ROCK1: variants seen among roughly 807,000 people sequenced by gnomAD.
The protein encoded by ROCK1 is rho-associated protein kinase 1.
In ROCK1, 36 loss-of-function variants were observed where a neutral mutation model predicts 196.8. That is an observed-to-expected ratio of 0.18 (90% CI 0.14 to 0.24). The LOEUF (loss-of-function observed/expected upper bound fraction) is 0.24. ROCK1 is among the 10% of genes least tolerant of loss of function. ROCK1 has a pLI of 1.00. For missense variants in ROCK1, 920 were observed against 1,562.0 expected (o/e 0.59, Z 6.93); for synonymous variants, 443 against 515.9 (o/e 0.86, Z 1.91).
chr18:21,019,784 C>T (rs191647445), intron 12 of ROCK1, among the ~76,000 whole-genome samples: 1,576 of 146,558 alleles, frequency 0.011, 30 homozygotes, highest in African/African-American at 0.037. Flanking sequence ...GACGACAGAG[C>T]GAGACTCCAT....
At chr18:20,966,834 G>T (rs2035378210) in intron 27 of ROCK1, 83 bp downstream of exon 27, 2 of 1,077,058 alleles carry the variant, frequency 1.9e-6, no homozygotes, top group Non-Finnish European at 1.4e-6. Flanking sequence ...AAAATGACAA[G>T]GAGGTAGAAA....
chr18:21,057,426 C>T (rs1232479790), intron 2 of ROCK1, among the ~76,000 whole-genome samples: 5 of 152,212 alleles, frequency 3.3e-5, no homozygotes, highest in African/African-American at 2.4e-5. Flanking sequence ...AAAAGGCTAA[C>T]TTACAGCTTC....
At chr18:21,047,627 C>T (rs547493794) in intron 4 of ROCK1, among the ~76,000 whole-genome samples, 3 of 152,110 alleles carry the variant, frequency 2.0e-5, no homozygotes, top group Non-Finnish European at 4.4e-5. Context: ...CCCGTCTCTA[C>T]TAAAAATACA....
At chr18:21,097,692 T>C (rs1408141936) in intron 1 of ROCK1, among the ~76,000 whole-genome samples, 1 of 152,228 alleles carries the variant, frequency 6.6e-6, no homozygotes, top group East Asian at 1.9e-4. Flanking sequence ...TATATAATGA[T>C]GACGATGATT....
At chr18:20,962,419 T>TA (rs1415792882) in intron 27 of ROCK1, among the ~76,000 whole-genome samples, 1 of 152,172 alleles carries the variant, frequency 6.6e-6, no homozygotes, top group African/African-American at 2.4e-5. Context: ...AACAAAGATA[T>TA]AAAAGCCTTT....
chr18:21,023,215 G>A (rs545017435), intron 11 of ROCK1, among the ~76,000 whole-genome samples: 1 of 152,078 alleles, frequency 6.6e-6, no homozygotes, highest in Non-Finnish European at 1.5e-5. Flanking sequence ...CCACCGAACT[G>A]CACACTTAAA....
intron 5 of ROCK1, 94 bp downstream of exon 5, chr18:21,045,195 GGAA>G (rs548324578): frequency 2.3e-4 from 254 of 1,115,790 alleles, no homozygotes; most frequent in Non-Finnish European, 3.0e-4. Context: ...TATGTCATAC[GGAA>G]GAAGAATGGG....
intron 16 of ROCK1, among the ~76,000 whole-genome samples, chr18:21,005,889 A>G (rs1413800270): frequency 6.6e-6 from 1 of 152,174 alleles, no homozygotes; most frequent in African/African-American, 2.4e-5. Context: ...AAAAACGTAA[A>G]CAATAAAAAA....
chr18:21,009,511 A>G (rs777198090), intron 13 of ROCK1, among the ~76,000 whole-genome samples: 1 of 152,108 alleles, frequency 6.6e-6, no homozygotes, highest in Non-Finnish European at 1.5e-5. Context: ...GCTGTTATAA[A>G]CATTAGTATA....
chr18:21,083,819 T>A (rs540865829), intron 1 of ROCK1, among the ~76,000 whole-genome samples: 1 of 152,290 alleles, frequency 6.6e-6, no homozygotes, highest in South Asian at 2.1e-4. Context: ...AGCAGGCTAT[T>A]AGTAGTTAAG....
intron 1 of ROCK1, among the ~76,000 whole-genome samples, chr18:21,086,594 G>GA (rs2036530087): frequency 6.6e-6 from 1 of 152,020 alleles, no homozygotes; most frequent in Admixed American, 6.6e-5. Flanking sequence ...AAGAAAAATA[G>GA]AATGGGGCTA....
At chr18:21,068,741 T>C (rs2036358307) in intron 2 of ROCK1, among the ~76,000 whole-genome samples, 1 of 152,196 alleles carries the variant, frequency 6.6e-6, no homozygotes, top group African/African-American at 2.4e-5. Context: ...GGTGCTGTAT[T>C]TGTTATAATA....
chr18:21,095,264 T>C (rs1457885864), intron 1 of ROCK1, among the ~76,000 whole-genome samples: 4 of 151,652 alleles, frequency 2.6e-5, no homozygotes, highest in Admixed American at 2.6e-4. Context: ...TTAACGGGAA[T>C]GTAAATTAGT....
intron 27 of ROCK1, among the ~76,000 whole-genome samples, chr18:20,964,340 A>G (rs1435413536): frequency 1.3e-5 from 2 of 152,188 alleles, no homozygotes; most frequent in Admixed American, 1.3e-4. Context: ...TTAAGAATGA[A>G]TATCAACATT....
chr18:21,099,980 G>A (rs998615287), intron 1 of ROCK1, among the ~76,000 whole-genome samples: 1 of 152,016 alleles, frequency 6.6e-6, no homozygotes, highest in African/African-American at 2.4e-5. Context: ...AGGTTACAGT[G>A]AGCCAAGATG....
chr18:21,069,611 T>C (rs891957274), intron 2 of ROCK1, among the ~76,000 whole-genome samples: 7 of 152,030 alleles, frequency 4.6e-5, no homozygotes, highest in Non-Finnish European at 8.8e-5. Flanking sequence ...GCCTTTGTAC[T>C]AAGGAGCATT....
chr18:20,972,781 C>T (rs2035441541), intron 22 of ROCK1, among the ~76,000 whole-genome samples: 1 of 152,062 alleles, frequency 6.6e-6, no homozygotes, highest in African/African-American at 2.4e-5. Context: ...CTGGAGTGAG[C>T]TCAAGAGAGA....
At chr18:20,971,971 GGACTTT>G (rs956203058) in intron 22 of ROCK1, among the ~76,000 whole-genome samples, 35 of 152,114 alleles carry the variant, frequency 2.3e-4, no homozygotes, top group African/African-American at 8.4e-4. Context: ...GGCAATACAA[GGACTTT>G]GACTTTTATT....
chr18:20,995,722 T>C (rs2035665132), intron 16 of ROCK1, among the ~76,000 whole-genome samples: 1 of 152,054 alleles, frequency 6.6e-6, no homozygotes, highest in East Asian at 1.9e-4. Context: ...CTCCATTTGT[T>C]TGGGAGAAAG....
Sources: gnomAD v4.1 joint callset for allele counts (sites outside exome capture counted in the v4.1 genomes callset) on GRCh38, gnomAD v4.1.1 for gene constraint, MANE v1.5 for transcripts, NCBI Gene and HGNC (gene_info 2026-07-23, HGNC 2026-07-21) for gene names.